CSMD1: variants seen among roughly 807,000 people sequenced by gnomAD.
CSMD1 encodes CUB and sushi domain-containing protein 1.
Under a neutral mutation model 417.5 loss-of-function variants are expected in CSMD1, and 213 were observed. The ratio of observed to expected loss-of-function variants is 0.51; its 90% CI spans 0.46 to 0.57. CSMD1 has a LOEUF of 0.57. Ranked by LOEUF, CSMD1 falls within the 20% of genes least tolerant of loss-of-function variation. The probability of loss-of-function intolerance (pLI) is 0.00; values close to 1 mark genes in which losing one functional copy is unlikely to be tolerated. For missense variants in CSMD1, 6,923 were observed against 4,529.7 expected (o/e 1.53, Z -15.17); for synonymous variants, 2,862 against 1,736.8 (o/e 1.65, Z -16.11).
At chr8:4,402,619 T>C (rs1804717683) in intron 3 of CSMD1, among the ~76,000 whole-genome samples, 1 of 152,132 alleles carries the variant, frequency 6.6e-6, no homozygotes, top group African/African-American at 2.4e-5. Flanking sequence ...CTCCCCATTC[T>C]TTAATCTTGC....
intron 2 of CSMD1, among the ~76,000 whole-genome samples, chr8:4,421,858 A>C (rs544946286): frequency 6.6e-6 from 1 of 152,002 alleles, no homozygotes; most frequent in Non-Finnish European, 1.5e-5. Flanking sequence ...AAGAAAAAAG[A>C]ACAAATAATG....
chr8:3,329,777 T>C lies in CSMD1; in HGVS notation c.3631+13517A>G, dbSNP rs541374228. ...CCATCAGTCTGTGCAGGGTGATGCA[T>C]TGTGAGTGAGCCTTTTCTGCCTTCT... is the stretch of plus-strand genomic sequence containing the variant. On this transcript the variant is annotated intron_variant, in intron 23 of 69. Transcript: ENST00000635120. Among the ~76,000 whole-genome samples the C allele has an allele frequency of 6.6e-5, 10 of 152,248 alleles. No homozygotes were observed. The East Asian group carries it at 1.7e-3, about 27-fold the overall frequency.
Position 2,989,725 on chromosome 8 carries a change from T to G in CSMD1, c.8377+8286A>C, listed in dbSNP as rs191607216. On this transcript the variant is annotated intron_variant, in intron 54 of 69. Coordinates refer to ENST00000635120, the MANE Select transcript of CSMD1 (RefSeq NM_033225.6). ...TCTTCTTCTCTTCCTTGGGATAAAT[T>G]AGAAGAAAGTGGAACCTACATACAA... is the stretch of plus-strand genomic sequence containing the variant. Among the ~76,000 whole-genome samples the G allele has an allele frequency of 1.4e-4, 22 of 152,282 alleles. No homozygotes were observed. The East Asian group carries it at 3.9e-3, about 27-fold the overall frequency.
intron 1 of CSMD1, among the ~76,000 whole-genome samples, chr8:4,924,450 C>G (rs1248501698): frequency 6.6e-6 from 1 of 152,088 alleles, no homozygotes; most frequent in Non-Finnish European, 1.5e-5. Flanking sequence ...CAGCCAGGCA[C>G]GGTGGCTCAC....
chr8:4,239,356 G>A (rs1483076046), intron 3 of CSMD1, among the ~76,000 whole-genome samples: 2 of 152,176 alleles, frequency 1.3e-5, no homozygotes, highest in Non-Finnish European at 2.9e-5. Flanking sequence ...TGGTGGAACT[G>A]CCAATGAAGC....
intron 7 of CSMD1, among the ~76,000 whole-genome samples, chr8:3,646,954 A>T (rs1219519216): frequency 6.6e-6 from 1 of 152,182 alleles, no homozygotes; most frequent in African/African-American, 2.4e-5. Flanking sequence ...ATGATGCATC[A>T]TCCTCTCTAT....
At position 4,366,939 on chromosome 8, in the gene CSMD1, A is replaced by G. The variant is rs114535706; in HGVS notation, c.415+53014T>C. ...TGTCTAAGTTCCCTACAGATTCTTG[A>G]TATTACACCTTTGTTGGATGTGTAC... On this transcript the variant is annotated intron_variant, in intron 3 of 69. Coordinates refer to ENST00000635120, the MANE Select transcript of CSMD1 (RefSeq NM_033225.6). 5.0e-3 allele frequency among the ~76,000 whole-genome samples: 766 copies of G among 152,078 alleles called. 7 individuals carry two copies. Among genetic ancestry groups the G allele is most frequent in the African/African-American group, 0.017 (706 of 41,488 alleles).
intron 12 of CSMD1, among the ~76,000 whole-genome samples, chr8:3,418,313 G>T (rs1338276128): frequency 6.6e-6 from 1 of 152,070 alleles, no homozygotes; most frequent in African/African-American, 2.4e-5. Flanking sequence ...TTGTCTCATG[G>T]AGACCATGAG....
intron 2 of CSMD1, among the ~76,000 whole-genome samples, chr8:4,572,406 G>C (rs1394943900): frequency 6.6e-6 from 1 of 152,122 alleles, no homozygotes; most frequent in African/African-American, 2.4e-5. Flanking sequence ...GAAATTCTGG[G>C]TTGAAAATAC....
At chr8:3,699,219 G>A (rs1292193970) in intron 7 of CSMD1, among the ~76,000 whole-genome samples, 1 of 152,192 alleles carries the variant, frequency 6.6e-6, no homozygotes, top group Non-Finnish European at 1.5e-5. Flanking sequence ...ACACAATGTA[G>A]ACTGACAATT....
At chr8:4,780,883 T>G (rs917666487) in intron 1 of CSMD1, among the ~76,000 whole-genome samples, 1 of 152,250 alleles carries the variant, frequency 6.6e-6, no homozygotes, top group Non-Finnish European at 1.5e-5. Context: ...TCCAGTTCAC[T>G]GAAAACGCTG....
chr8:4,354,436 A>G (rs903775969), intron 3 of CSMD1, among the ~76,000 whole-genome samples: 3 of 152,198 alleles, frequency 2.0e-5, no homozygotes, highest in Admixed American at 2.0e-4. Context: ...GCTAGGAGAG[A>G]ACACCAAACA....
intron 5 of CSMD1, among the ~76,000 whole-genome samples, chr8:3,772,329 ATT>A (rs1275655526): frequency 1.5e-5 from 1 of 66,176 alleles, no homozygotes; most frequent in Admixed American, 1.8e-4. Flanking sequence ...ATGTACATAT[ATT>A]TAGACATACA....
intron 3 of CSMD1, among the ~76,000 whole-genome samples, chr8:4,091,089 T>G (rs2067150170): frequency 6.6e-6 from 1 of 151,946 alleles, no homozygotes; most frequent in South Asian, 2.1e-4. Flanking sequence ...CAGCTAATTT[T>G]TGTAATTTTA....
At chr8:3,495,447 G>T (rs1210128243) in intron 10 of CSMD1, among the ~76,000 whole-genome samples, 1 of 152,140 alleles carries the variant, frequency 6.6e-6, no homozygotes, top group Non-Finnish European at 1.5e-5. Context: ...CTCATTAGGG[G>T]TGGAAAAAGG....
At chr8:4,740,217 G>C (rs770808424) in intron 1 of CSMD1, among the ~76,000 whole-genome samples, 17 of 152,146 alleles carry the variant, frequency 1.1e-4, no homozygotes, top group Non-Finnish European at 2.2e-4. Context: ...CCAGGAACAA[G>C]TGGAATCTTA....
chr8:3,597,520 C>T (rs978303634), intron 8 of CSMD1, among the ~76,000 whole-genome samples: 1 of 152,102 alleles, frequency 6.6e-6, no homozygotes, highest in African/African-American at 2.4e-5. Flanking sequence ...AAACATGAGC[C>T]ACATGTTTTT....
intron 26 of CSMD1, among the ~76,000 whole-genome samples, chr8:3,238,360 G>A (rs539081987): frequency 6.6e-6 from 1 of 152,234 alleles, no homozygotes; most frequent in African/African-American, 2.4e-5. Flanking sequence ...TGTACATGCA[G>A]GTCACAGGGG....
chr8:3,299,200 C>G (rs1264109506), intron 25 of CSMD1, among the ~76,000 whole-genome samples: 2 of 152,082 alleles, frequency 1.3e-5, no homozygotes, highest in African/African-American at 2.4e-5. Flanking sequence ...GCCTGTAATC[C>G]CAGTATTTTG....
Sources: allele counts gnomAD v4.1 joint callset (sites outside exome capture counted in the v4.1 genomes callset), GRCh38; gene constraint gnomAD v4.1.1; transcripts MANE v1.5; gene names NCBI Gene and HGNC (gene_info 2026-07-23, HGNC 2026-07-21).